The following RFC1 variants were observed in gnomAD, a reference collection of about 807,000 sequenced individuals.
The protein encoded by RFC1 is A1 140 kDa subunit.
In RFC1, 37 loss-of-function variants were observed where a neutral mutation model predicts 137.4. That is an observed-to-expected ratio of 0.27 (90% CI 0.21 to 0.35). The LOEUF (loss-of-function observed/expected upper bound fraction) is 0.35. Among genes scored for constraint, RFC1 ranks in the 10% least tolerant of loss-of-function variants. The pLI, the probability that RFC1 is intolerant of heterozygous loss-of-function variation, is 1.00. For missense variants in RFC1, 1,205 were observed against 1,358.5 expected, an observed-to-expected ratio of 0.89 and a Z score of 1.78; for synonymous variants, 429 against 455.7, an observed-to-expected ratio of 0.94 and a Z score of 0.75.
At chr4:39,337,010 A>T (rs1222126905) in intron 4 of RFC1, among the ~76,000 whole-genome samples, 1 of 152,254 alleles carries the variant, frequency 6.6e-6, no homozygotes. Flanking sequence ...TGTATGAGAG[A>T]CATCCAAAGA....
chr4:39,348,267 C>T (rs1021715727), intron 2 of RFC1, among the ~76,000 whole-genome samples: 2 of 150,608 alleles, frequency 1.3e-5, no homozygotes, highest in African/African-American at 4.9e-5. Context: ...AGGAAAAATA[C>T]AAAAAATTAG....
intron 1 of RFC1, among the ~76,000 whole-genome samples, chr4:39,363,311 G>A (rs898603565): frequency 1.3e-5 from 2 of 151,810 alleles, no homozygotes; most frequent in Non-Finnish European, 2.9e-5. Context: ...ATTTCGAAAG[G>A]GTAAAAAGTC....
At chr4:39,360,777 T>G (rs1309450091) in intron 1 of RFC1, among the ~76,000 whole-genome samples, 2 of 152,114 alleles carry the variant, frequency 1.3e-5, no homozygotes, top group African/African-American at 2.4e-5. Context: ...TGTGTTCATT[T>G]TATCTTTGAA....
At chr4:39,309,606 C>T (rs964224634) in intron 12 of RFC1, among the ~76,000 whole-genome samples, 64 of 152,194 alleles carry the variant, frequency 4.2e-4, no homozygotes, top group African/African-American at 1.4e-3. Flanking sequence ...TCCATACACA[C>T]GTGAAACGTC....
Position 39,337,722 on chromosome 4 carries a change from A to C in RFC1, c.331+4623T>G, listed in dbSNP as rs555924304. Among the ~76,000 whole-genome samples the C allele has an allele frequency of 2.0e-5, 3 of 152,302 alleles. No homozygotes were observed. In the South Asian group the frequency reaches 6.2e-4, roughly 32 times the overall value. On this transcript the variant is annotated intron_variant, in intron 4 of 24. Transcript: ENST00000349703. ...ACCTATTTGTCTGATACACAAGACT[A>C]TATGTCTCTAAAAGTTAGCAAAGAG... is the stretch of plus-strand genomic sequence containing the variant.
chr4:39,292,247 A>G (rs1737717484), intron 22 of RFC1: 1 of 174,318 alleles, frequency 5.7e-6, no homozygotes, highest in African/African-American at 2.4e-5. Flanking sequence ...GTGAATGTGT[A>G]TAACACCTTT....
intron 2 of RFC1, among the ~76,000 whole-genome samples, chr4:39,348,313 C>G (rs1740960716): frequency 1.3e-5 from 2 of 150,144 alleles, no homozygotes; most frequent in South Asian, 4.2e-4. Flanking sequence ...GTCCCAGCTA[C>G]TCAGGAGGCT....
chr4:39,357,772 A>C (rs1439909140), intron 1 of RFC1, among the ~76,000 whole-genome samples: 4 of 151,916 alleles, frequency 2.6e-5, no homozygotes, highest in African/African-American at 4.8e-5. Flanking sequence ...GCCCATCACC[A>C]TACCCAGCTA....
chr4:39,310,971 G>A (rs879301351), intron 12 of RFC1, among the ~76,000 whole-genome samples: 16 of 152,084 alleles, frequency 1.1e-4, no homozygotes, highest in East Asian at 1.9e-4. Flanking sequence ...GTGAAACTCC[G>A]TCTCTATTAA....
Position 39,288,089 on chromosome 4 carries a change from C to T in RFC1, c.*672G>A, listed in dbSNP as rs918752705. ...TCGACTGCCAATGTTATGTTTCACA[C>T]AACAGGTTAGTAAGGAATACAGTGA... is the stretch of plus-strand genomic sequence containing the variant. On this transcript the variant is annotated 3_prime_UTR_variant, in exon 25 of 25. Coordinates refer to ENST00000349703, the MANE Select transcript of RFC1 (RefSeq NM_002913.5). 3 of 152,194 alleles carry T rather than the reference C, an allele frequency of 2.0e-5. No homozygotes were observed. The highest frequency in any genetic ancestry group is 7.2e-5 in the African/African-American group (3 of 41,456). The allele number at this position is 152,194 out of a possible 1,614,324, so 9.4% of individuals were successfully genotyped here.
intron 2 of RFC1, among the ~76,000 whole-genome samples, chr4:39,346,425 A>C (rs1265073893): frequency 6.6e-6 from 1 of 152,084 alleles, no homozygotes; most frequent in African/African-American, 2.4e-5. Context: ...GCAGTAAGCC[A>C]AGATCGCGCC....
intron 21 of RFC1, among the ~76,000 whole-genome samples, chr4:39,299,746 T>C (rs1738245571): frequency 6.6e-6 from 1 of 151,560 alleles, no homozygotes; most frequent in African/African-American, 2.4e-5. Flanking sequence ...ATTTATCTGG[T>C]ATTTAAAATA....
chr4:39,326,299 A>G (rs1013342132), intron 6 of RFC1, among the ~76,000 whole-genome samples: 1 of 152,246 alleles, frequency 6.6e-6, no homozygotes. Context: ...TCAAAGACCT[A>G]TCATGACCTA....
At position 39,288,713 on chromosome 4, in the gene RFC1, T is replaced by A; in HGVS notation, c.*48A>T. On this transcript the variant is annotated 3_prime_UTR_variant, in exon 25 of 25. Coordinates refer to ENST00000349703, the MANE Select transcript of RFC1 (RefSeq NM_002913.5). ...AAGGCTTTCTCTAGACCAGCTGGACTGGTCAGGAGGGAGAGTAAAAAGTGG... is the reference window on the plus strand; with the variant it reads ...AAGGCTTTCTCTAGACCAGCTGGACAGGTCAGGAGGGAGAGTAAAAAGTGG... The A allele has an allele frequency of 1.7e-6, 2 of 1,180,796 alleles. No individual in the cohort carries two copies. The highest frequency in any genetic ancestry group is 1.3e-5 in the South Asian group (1 of 78,572). 73.1% of individuals were successfully genotyped at this position (1,180,796 alleles called of 1,614,324 possible).
chr4:39,346,331 C>T (rs1740856278), intron 2 of RFC1, among the ~76,000 whole-genome samples: 1 of 152,104 alleles, frequency 6.6e-6, no homozygotes. Context: ...ACAAAATTAG[C>T]CAGGCGTGGT....
At chr4:39,356,634 C>A (rs1286648845) in intron 1 of RFC1, among the ~76,000 whole-genome samples, 1 of 152,084 alleles carries the variant, frequency 6.6e-6, no homozygotes, top group African/African-American at 2.4e-5. Context: ...TATTTCTGAG[C>A]TAAGTTAATA....
rs1553925239 is a variant in RFC1 at position 39,330,922 on chromosome 4, C to CACAT, written c.332-3167_332-3166insATGT. Among the ~76,000 whole-genome samples the CACAT allele has an allele frequency of 1.7e-3, 261 of 151,528 alleles. 2 individuals carry two copies. The highest frequency in any genetic ancestry group is 5.9e-3 in the African/African-American group (244 of 41,322). On this transcript the variant is annotated intron_variant, in intron 4 of 24. Transcript: ENST00000349703. ...ATATATATATACACACACACACACA[C>CACAT]ATATATATATATTCTCCCTACCTAA... is the stretch of plus-strand genomic sequence containing the variant.
At chr4:39,353,564 T>C (rs1036778458) in intron 1 of RFC1, among the ~76,000 whole-genome samples, 8 of 152,130 alleles carry the variant, frequency 5.3e-5, no homozygotes, top group African/African-American at 1.7e-4. Context: ...GACATCTGTA[T>C]CAGATGCTAA....
rs56147861 is a variant in RFC1 at position 39,304,732 on chromosome 4, T to G, written c.2110+82A>C. The stretch of plus-strand genomic sequence containing the variant: ...TTAGTAGGGTGCTTGGCACACAACC[T>G]GTGTTCAATACTGGTTACTGAACAT... On this transcript the variant is annotated intron_variant, in intron 15 of 24. Transcript: ENST00000349703. 64 of 849,182 alleles carry G rather than the reference T, an allele frequency of 7.5e-5. No homozygotes were observed. In the African/African-American group the frequency reaches 1.1e-3, roughly 14 times the overall value. The allele number at this position is 849,182 out of a possible 1,614,324, so 52.6% of individuals were successfully genotyped here.
Sources: allele counts gnomAD v4.1 joint callset (sites outside exome capture counted in the v4.1 genomes callset), GRCh38; gene constraint gnomAD v4.1.1; transcripts MANE v1.5; gene names NCBI Gene and HGNC (gene_info 2026-07-23, HGNC 2026-07-21).